Variants in DNAJC11 observed in about 807,000 individuals in gnomAD.
The protein encoded by DNAJC11 is DnaJ heat shock protein family (Hsp40) member C11.
Under a neutral mutation model 78.6 loss-of-function variants are expected in DNAJC11, and 15 were observed. The observed-to-expected ratio is 0.19, with a 90% CI of 0.13 to 0.29. The LOEUF is 0.29. DNAJC11 is among the 10% of genes least tolerant of loss of function. The pLI is 1.00. For missense variants in DNAJC11, 547 were observed against 709.6 expected, an observed-to-expected ratio of 0.77 and a Z score of 2.60; for synonymous variants, 292 against 272.1, an observed-to-expected ratio of 1.07 and a Z score of -0.72.
intron 1 of DNAJC11, among the ~76,000 whole-genome samples, chr1:6,689,754 C>G (rs1475196045): frequency 6.8e-6 from 1 of 147,738 alleles, no homozygotes; most frequent in African/African-American, 2.5e-5. Flanking sequence ...CCAGCCTGGG[C>G]AACAAGAGCG....
At chr1:6,650,905 A>T (rs565412062) in intron 7 of DNAJC11, 16 of 341,196 alleles carry the variant, frequency 4.7e-5, no homozygotes, top group South Asian at 3.8e-4. Flanking sequence ...AATAAACTCC[A>T]TGTGCTCCAT....
Position 6,700,233 on chromosome 1 carries a change from C to G in DNAJC11, c.72+1496G>C, listed in dbSNP as rs866328571. The stretch of plus-strand genomic sequence containing the variant: ...GTACTTTGTGAGATCCACCCCCTGC[C>G]CACAAAAAATTGCTCCTAACTCCAC... On this transcript the variant is annotated intron_variant, in intron 1 of 15. Transcript: ENST00000377577. 5.9e-5 allele frequency among the ~76,000 whole-genome samples: 9 copies of G among 152,280 alleles called. No homozygotes were observed. The Middle Eastern group carries it at 0.01, about 173-fold the overall frequency.
In DNAJC11 at chr1:6,653,074, A is replaced by G; in HGVS notation, c.508-123T>C. 1 of 1,146,748 alleles carries G rather than the reference A, an allele frequency of 8.7e-7. No homozygotes were observed. Among genetic ancestry groups the G allele is most frequent in the Non-Finnish European group, 1.3e-6 (1 of 798,142 alleles). The allele number at this position is 1,146,748 out of a possible 1,614,324, so 71.0% of individuals were successfully genotyped here. ...GCAGACGATTCCTCTGTTCAGAAGC[A>G]CACATGGATGCAGAACTGCCGCAAC... On this transcript the variant is annotated intron_variant, in intron 5 of 15. Transcript: ENST00000377577. The surrounding 1 kb of genome is among the most constrained non-coding windows in gnomAD (Gnocchi z 4.5).
intron 6 of DNAJC11, among the ~76,000 whole-genome samples, chr1:6,651,972 C>G (rs1192643162): frequency 7.1e-6 from 1 of 141,362 alleles, no homozygotes; most frequent in Non-Finnish European, 1.5e-5. Context: ...GTCCGGTGTG[C>G]CCCCCACCCC....
chr1:6,647,248 A>C (rs1641980568), intron 7 of DNAJC11, among the ~76,000 whole-genome samples: 1 of 151,708 alleles, frequency 6.6e-6, no homozygotes, highest in Non-Finnish European at 1.5e-5. Context: ...TGTCCGGTTA[A>C]TATTTTGTAT....
At chr1:6,664,331 C>T (rs1160991808) in intron 4 of DNAJC11, among the ~76,000 whole-genome samples, 1 of 151,920 alleles carries the variant, frequency 6.6e-6, no homozygotes, top group Non-Finnish European at 1.5e-5. Context: ...GCTCTGCCTC[C>T]TGGGTTCACG....
chr1:6,684,413 G>A (rs1642603414), intron 1 of DNAJC11, among the ~76,000 whole-genome samples: 1 of 152,126 alleles, frequency 6.6e-6, no homozygotes, highest in South Asian at 2.1e-4. Context: ...AATTTTAATT[G>A]TCCTTTTTTG....
rs541051434 is a variant in DNAJC11, at chr1:6,678,488, A to G, written c.203-21T>C. ...AAGCACTGCAAATTAAAAATTAAAC[A>G]TGTTTATAAAATACAAAATTCACCT... On this transcript the variant is annotated intron_variant, in intron 2 of 15. Transcript: ENST00000377577. 7 of 1,601,772 alleles carry G rather than the reference A, an allele frequency of 4.4e-6. No individual in the cohort carries two copies. The African/African-American group carries it at 6.7e-5, about 15-fold the overall frequency.
Position 6,667,762 on chromosome 1 carries a change from G to A in DNAJC11, c.325C>T (p.Arg109Trp), listed in dbSNP as rs763941528. ...TPAEIREEFE[R>W]LQREREERRL... ...CTCTCTTCTCTCTCTCTCTGCAGCC[G>A]CTCAAACTCCTCTCGAATTTCAGCA... Residue 109 changes from arginine (R) to tryptophan (W), a missense_variant, in exon 4 of 16, where the codon CGG (arginine) becomes TGG (tryptophan). Transcript: ENST00000377577. 9.3e-6 allele frequency: 15 copies of A among 1,613,866 alleles called. No homozygotes were observed. The highest frequency in any genetic ancestry group is 1.7e-5 in the Admixed American group (1 of 59,964).
intron 7 of DNAJC11, among the ~76,000 whole-genome samples, chr1:6,648,131 C>T (rs1264321846): frequency 1.3e-5 from 2 of 151,744 alleles, no homozygotes; most frequent in Admixed American, 6.6e-5. Context: ...ATTCCCAGTC[C>T]CCTCCCTCAT....
In DNAJC11 at chr1:6,699,788, C is replaced by T. The variant is rs570282026; in HGVS notation, c.72+1941G>A. On this transcript the variant is annotated intron_variant, in intron 1 of 15. Transcript: ENST00000377577. ...AAAGGAAAAAAAGGAGTGATTAGCC[C>T]GAAGTGTTGATTAATGAGAACAAGA... is the stretch of plus-strand genomic sequence containing the variant. Among the ~76,000 whole-genome samples the T allele has an allele frequency of 1.2e-4, 19 of 152,110 alleles. No homozygotes were observed. In the South Asian group the frequency reaches 3.1e-3, roughly 25 times the overall value.
chr1:6,670,040 G>A (rs1570294407), intron 3 of DNAJC11, among the ~76,000 whole-genome samples: 1 of 151,110 alleles, frequency 6.6e-6, no homozygotes, highest in Non-Finnish European at 1.5e-5. Context: ...TGCAAGCTCC[G>A]CCTCCCTGGT....
rs1642090289 is a variant in DNAJC11 at position 6,653,868 on chromosome 1, C to T, written c.507+43G>A. The T allele has an allele frequency of 6.2e-7, 1 of 1,604,132 alleles. No homozygotes were observed. Among genetic ancestry groups the T allele is most frequent in the South Asian group, 1.1e-5 (1 of 90,552 alleles). On this transcript the variant is annotated intron_variant, in intron 5 of 15. Coordinates refer to ENST00000377577, the MANE Select transcript of DNAJC11 (RefSeq NM_018198.4). The surrounding 1 kb of genome is among the most constrained non-coding windows in gnomAD (Gnocchi z 4.5). Reference sequence around the variant, plus strand: ...TGCTTGGTGTGCTGTGCCTCATTAACTCGAGCCCTTGCTGTACTCGGAGAG... The same window carrying T: ...TGCTTGGTGTGCTGTGCCTCATTAATTCGAGCCCTTGCTGTACTCGGAGAG...
At chr1:6,693,111 C>T (rs1642774386) in intron 1 of DNAJC11, among the ~76,000 whole-genome samples, 2 of 151,372 alleles carry the variant, frequency 1.3e-5, no homozygotes, top group African/African-American at 4.9e-5. Flanking sequence ...CAGGGTTTCG[C>T]CATGTTAATA....
At chr1:6,661,603 C>T (rs1315956534) in intron 4 of DNAJC11, among the ~76,000 whole-genome samples, 1 of 152,198 alleles carries the variant, frequency 6.6e-6, no homozygotes, top group Non-Finnish European at 1.5e-5. Context: ...TCCCTTTTCT[C>T]CTTACAAGAC....
In DNAJC11 at chr1:6,644,690, G is replaced by A. The variant is rs373743249; in HGVS notation, c.981-16C>T. The A allele has an allele frequency of 6.9e-6, 11 of 1,604,864 alleles. No individual in the cohort carries two copies. Among genetic ancestry groups the A allele is most frequent in the Admixed American group, 3.3e-5 (2 of 59,996 alleles). On this transcript the variant is annotated splice_polypyrimidine_tract_variant and intron_variant, in intron 9 of 15. Coordinates refer to ENST00000377577, the MANE Select transcript of DNAJC11 (RefSeq NM_018198.4). ...GAAGCCTGCTCTGCAGGGAGAGAAC[G>A]CGGTCTGTGCCTGTGCCCCTCATTC...
intron 4 of DNAJC11, among the ~76,000 whole-genome samples, chr1:6,664,942 A>G (rs1175484276): frequency 1.3e-5 from 2 of 152,190 alleles, no homozygotes; most frequent in Non-Finnish European, 2.9e-5. Context: ...TGACGAAAAC[A>G]GAGAGAAATA....
Position 6,701,710 on chromosome 1 carries a change from G to T in DNAJC11, c.72+19C>A. On this transcript the variant is annotated intron_variant, in intron 1 of 15. Transcript: ENST00000377577. ...CGGGCTCGGCCTCAGCCCCCAGAGC[G>T]TCCAGCCGCTGGCCTCACCTCCCTG... The T allele has an allele frequency of 1.3e-6, 2 of 1,533,582 alleles. No homozygotes were observed. The highest frequency in any genetic ancestry group is 2.8e-5 in the East Asian group (1 of 36,320). The allele number at this position is 1,533,582 out of a possible 1,614,324, so 95.0% of individuals were successfully genotyped here. A position where few individuals can be genotyped will look rare whatever the true frequency, so the allele number is the denominator to read the frequency against.
At chr1:6,670,048 G>A (rs998918222) in intron 3 of DNAJC11, among the ~76,000 whole-genome samples, 1 of 151,536 alleles carries the variant, frequency 6.6e-6, no homozygotes, top group Non-Finnish European at 1.5e-5. Flanking sequence ...CCGCCTCCCT[G>A]GTTCACACCA....
Sources: allele counts gnomAD v4.1 joint callset (sites outside exome capture counted in the v4.1 genomes callset), GRCh38; gene constraint gnomAD v4.1.1; non-coding constraint Gnocchi (gnomAD v3.1); transcripts MANE v1.5; gene names NCBI Gene and HGNC (gene_info 2026-07-23, HGNC 2026-07-21).